Variants in GABRR1 observed in about 807,000 individuals in gnomAD.
GABRR1 encodes the protein gamma-aminobutyric acid type A receptor subunit rho1.
In GABRR1, 59 loss-of-function variants were observed where a neutral mutation model predicts 55.5. The ratio of observed to expected loss-of-function variants is 1.06; its 90% CI spans 0.86 to 1.32. The LOEUF (loss-of-function observed/expected upper bound fraction) is 1.32. Among genes scored for constraint, GABRR1 ranks in the 40% most tolerant of loss-of-function variants. The probability of loss-of-function intolerance (pLI) is 0.00; values close to 1 mark genes in which losing one functional copy is unlikely to be tolerated. For missense variants in GABRR1, 602 were observed against 619.1 expected, an observed-to-expected ratio of 0.97 and a Z score of 0.29; for synonymous variants, 213 against 226.0, an observed-to-expected ratio of 0.94 and a Z score of 0.51.
intron 1 of GABRR1, among the ~76,000 whole-genome samples, chr6:89,228,772 C>T (rs892471165): frequency 4.6e-5 from 7 of 151,582 alleles, no homozygotes; most frequent in African/African-American, 1.7e-4. Flanking sequence ...CTGTAGATGT[C>T]TATTAGGTCC....
chr6:89,201,022 C>T (rs1164867655), intron 3 of GABRR1, 137 bp downstream of exon 3: 10 of 666,708 alleles, frequency 1.5e-5, no homozygotes, highest in South Asian at 5.5e-5. Context: ...ACTGTGGGCT[C>T]GATGTCTTGT....
chr6:89,224,752 T>C (rs758025192), intron 1 of GABRR1, among the ~76,000 whole-genome samples: 2 of 151,862 alleles, frequency 1.3e-5, no homozygotes, highest in Non-Finnish European at 2.9e-5. Flanking sequence ...TAAGCCAATA[T>C]GTAGAAGAGT....
intron 1 of GABRR1, among the ~76,000 whole-genome samples, chr6:89,223,790 G>A (rs953034530): frequency 1.0e-4 from 15 of 149,872 alleles, no homozygotes; most frequent in Non-Finnish European, 2.2e-4. Flanking sequence ...TTGAGACGGA[G>A]GTCTTGCTCT....
chr6:89,217,428 T>A, upstream of GABRR1: 1 of 1,327,250 alleles, frequency 7.5e-7, no homozygotes, highest in Non-Finnish European at 1.0e-6. Context: ...GAAGGATGTT[T>A]ACTCATGCAA....
intron 1 of GABRR1, among the ~76,000 whole-genome samples, chr6:89,224,242 T>G (rs1258169525): frequency 1.3e-5 from 2 of 151,414 alleles, no homozygotes; most frequent in Non-Finnish European, 2.9e-5. Context: ...CAGGTATGCA[T>G]TACCACGCCC....
chr6:89,203,553 C>T (rs1326866763), intron 1 of GABRR1, 68 bp from the exon 2 acceptor site: 6 of 1,141,780 alleles, frequency 5.3e-6, no homozygotes, highest in Non-Finnish European at 8.0e-6. Flanking sequence ...CCAAGCACCC[C>T]TCTCCCTCCA....
At chr6:89,192,535 C>CTCCTCTTCT (rs1188065362) in intron 5 of GABRR1, among the ~76,000 whole-genome samples, 1 of 150,892 alleles carries the variant, frequency 6.6e-6, no homozygotes, top group Non-Finnish European at 1.5e-5. Flanking sequence ...CTGTCATTGA[C>CTCCTCTTCT]TCCTCTTCTT....
chr6:89,220,630 A>G (rs1478860729), upstream of GABRR1, among the ~76,000 whole-genome samples: 1 of 152,222 alleles, frequency 6.6e-6, no homozygotes, highest in Non-Finnish European at 1.5e-5. Flanking sequence ...AGTTGTAAAG[A>G]GGCCTGAGAG....
At chr6:89,192,567 T>TC (rs1772136527) in intron 5 of GABRR1, among the ~76,000 whole-genome samples, 2 of 147,346 alleles carry the variant, frequency 1.4e-5, no homozygotes, top group Non-Finnish European at 1.5e-5. Context: ...TCTTCTTCTT[T>TC]TTTTTTTTTT....
intron 1 of GABRR1, among the ~76,000 whole-genome samples, chr6:89,214,570 C>A (rs1772931197): frequency 6.6e-6 from 1 of 152,004 alleles, no homozygotes; most frequent in African/African-American, 2.4e-5. Flanking sequence ...AAACAAGTAA[C>A]CTGATTAAAA....
rs778155552 is a variant in GABRR1, at chr6:89,195,199, G to A, written c.572+2821C>T. Among the ~76,000 whole-genome samples the A allele has an allele frequency of 3.9e-5, 6 of 152,174 alleles. No individual in the cohort carries two copies. In the East Asian group the frequency reaches 9.7e-4, roughly 25 times the overall value. ...ATTTGGGCCGGGCATGGTGGCTCAC[G>A]TCTGTAATCCTAGCACTTTAGGAGG... On this transcript the variant is annotated intron_variant, in intron 5 of 9. Transcript: ENST00000454853.
intron 1 of GABRR1, among the ~76,000 whole-genome samples, chr6:89,222,656 C>T (rs1773131163): frequency 1.3e-5 from 2 of 152,172 alleles, no homozygotes. Flanking sequence ...TCCTTCCCTG[C>T]TAAATTACCA....
intron 6 of GABRR1, among the ~76,000 whole-genome samples, chr6:89,187,375 T>G (rs891615420): frequency 6.6e-6 from 1 of 152,242 alleles, no homozygotes; most frequent in Non-Finnish European, 1.5e-5. Flanking sequence ...AATTACTACA[T>G]AAATACAGCC....
At chr6:89,220,519 G>T (rs1246119206), upstream of GABRR1, among the ~76,000 whole-genome samples, 1 of 152,156 alleles carries the variant, frequency 6.6e-6, no homozygotes, top group Non-Finnish European at 1.5e-5. Flanking sequence ...CTACTTTGTT[G>T]CTTGTAAATG....
chr6:89,194,278 C>T (rs941623100), intron 5 of GABRR1, among the ~76,000 whole-genome samples: 1 of 152,174 alleles, frequency 6.6e-6, no homozygotes, highest in South Asian at 2.1e-4. Context: ...CGGGATAATC[C>T]CTTCAGGACC....
rs148297742 is a variant in GABRR1, at chr6:89,181,938, C to A, written c.916G>T (p.Asp306Tyr). The stretch of plus-strand genomic sequence containing the variant: ...ACTCTGGCAGGCACGGCTCTGCGGT[C>A]GATCCAGAAGGACACCCAGGACAGC... ...VMLSWVSFWI[D>Y]RRAVPARVPL... is the part of the protein sequence containing the mutation. The change falls in exon 8 of 10, where the codon GAC becomes TAC. Residue 306 changes from aspartate to tyrosine, a missense_variant. Physicochemically the swap from Asp to Tyr is radical, Grantham distance 160. Transcript: ENST00000454853. 3 of 1,613,622 alleles carry A rather than the reference C, an allele frequency of 1.9e-6. No homozygotes were observed. The highest frequency in any genetic ancestry group is 1.1e-5 in the South Asian group (1 of 90,998).
intron 9 of GABRR1, among the ~76,000 whole-genome samples, chr6:89,179,886 A>G (rs959522391): frequency 2.6e-5 from 4 of 151,870 alleles, no homozygotes; most frequent in Admixed American, 1.3e-4. Context: ...ATGAAGGAAG[A>G]TTTCCTAGAA....
rs1772041853 is a variant in GABRR1, at chr6:89,190,163, A to G, written c.655+2T>C. 1 of 1,607,296 alleles carries G rather than the reference A, an allele frequency of 6.2e-7. No individual in the cohort carries two copies. The highest frequency in any genetic ancestry group is 8.5e-7 in the Non-Finnish European group (1 of 1,176,126). The stretch of plus-strand genomic sequence containing the variant: ...CTGATGCCCGGGGACAAGTCTACTC[A>G]CAGCTTTCAATTTCAAGAGAGCACG... On this transcript the variant is annotated splice_donor_variant, in intron 6 of 9. Coordinates refer to ENST00000454853, the MANE Select transcript of GABRR1 (RefSeq NM_002042.5). LOFTEE classifies it high-confidence loss of function.
chr6:89,186,043 C>G (rs573900801), intron 6 of GABRR1, among the ~76,000 whole-genome samples: 1 of 152,304 alleles, frequency 6.6e-6, no homozygotes, highest in East Asian at 1.9e-4. Context: ...CTACCATTTC[C>G]CCTTCCCTCA....
Sources: allele counts gnomAD v4.1 joint callset (sites outside exome capture counted in the v4.1 genomes callset), GRCh38; gene constraint gnomAD v4.1.1; transcripts MANE v1.5; gene names NCBI Gene and HGNC (gene_info 2026-07-23, HGNC 2026-07-21).